LDB2: variants seen among roughly 807,000 people sequenced by gnomAD.
The protein encoded by LDB2 is LIM domain-binding protein 2.
A neutral mutation model predicts 44.3 loss-of-function variants in LDB2; 12 were observed. That is an observed-to-expected ratio of 0.27 (90% CI 0.17 to 0.44). LDB2 has a LOEUF of 0.44. Ranked by LOEUF, LDB2 falls within the 20% of genes least tolerant of loss-of-function variation. The probability of loss-of-function intolerance (pLI) is 1.00; values close to 1 mark genes in which losing one functional copy is unlikely to be tolerated. For synonymous variants in LDB2, 164 were observed against 174.8 expected (o/e 0.94, Z 0.49); for missense variants, 344 against 473.5 (o/e 0.73, Z 2.54).
chr4:16,583,405 G>T (rs1170689506), intron 5 of LDB2, among the ~76,000 whole-genome samples: 1 of 152,120 alleles, frequency 6.6e-6, no homozygotes, highest in Non-Finnish European at 1.5e-5. Flanking sequence ...CTGATACTGG[G>T]AGTGGCATTG....
chr4:16,858,339 CT>C (rs1018683008), intron 1 of LDB2, among the ~76,000 whole-genome samples: 3 of 152,180 alleles, frequency 2.0e-5, no homozygotes, highest in African/African-American at 7.2e-5. Flanking sequence ...CAAGGAATTC[CT>C]GTTTACATTA....
intron 2 of LDB2, among the ~76,000 whole-genome samples, chr4:16,742,456 C>G (rs1283672459): frequency 6.6e-6 from 1 of 152,154 alleles, no homozygotes; most frequent in Non-Finnish European, 1.5e-5. Flanking sequence ...AGAATTGAAC[C>G]CACTTTTTTC....
At chr4:16,579,210 C>CT (rs1314466396) in intron 5 of LDB2, among the ~76,000 whole-genome samples, 1 of 152,040 alleles carries the variant, frequency 6.6e-6, no homozygotes, top group Non-Finnish European at 1.5e-5. Context: ...AAGATAAATG[C>CT]TTGAGGTGAT....
At chr4:16,711,138 T>C (rs956607108) in intron 2 of LDB2, among the ~76,000 whole-genome samples, 1 of 152,226 alleles carries the variant, frequency 6.6e-6, no homozygotes, top group Non-Finnish European at 1.5e-5. Flanking sequence ...ATAACTCTGA[T>C]GTAATACAGC....
At chr4:16,879,043 T>C (rs548572129) in intron 1 of LDB2, among the ~76,000 whole-genome samples, 4 of 152,080 alleles carry the variant, frequency 2.6e-5, no homozygotes, top group East Asian at 3.9e-4. Flanking sequence ...ACAGCCCCCT[T>C]ACTTGATTGT....
intron 1 of LDB2, among the ~76,000 whole-genome samples, chr4:16,763,623 A>G (rs1330166272): frequency 6.6e-6 from 1 of 152,212 alleles, no homozygotes; most frequent in Non-Finnish European, 1.5e-5. Context: ...CTTATTATGG[A>G]AAGAGCACAT....
intron 2 of LDB2, among the ~76,000 whole-genome samples, chr4:16,692,114 G>C (rs1204286392): frequency 6.6e-6 from 1 of 150,552 alleles, no homozygotes; most frequent in Non-Finnish European, 1.5e-5. Context: ...GATTCATCAC[G>C]AGGCAAAAAA....
chr4:16,612,852 T>C (rs1056477403), intron 2 of LDB2, among the ~76,000 whole-genome samples: 3 of 152,192 alleles, frequency 2.0e-5, no homozygotes, highest in Admixed American at 6.5e-5. Context: ...ACTCATTTTA[T>C]GAAGCTGGCA....
chr4:16,754,628 T>C (rs1024130711), intron 2 of LDB2, among the ~76,000 whole-genome samples: 1 of 151,608 alleles, frequency 6.6e-6, no homozygotes, highest in African/African-American at 2.4e-5. Context: ...GCCTCCTGGG[T>C]TCAAGTAATT....
chr4:16,593,425 A>G (rs901936060), intron 3 of LDB2, among the ~76,000 whole-genome samples: 3 of 152,150 alleles, frequency 2.0e-5, no homozygotes, highest in Non-Finnish European at 2.9e-5. Flanking sequence ...GAAAAACAAC[A>G]TTGGAAAGTT....
chr4:16,522,639 G>GTA lies in LDB2; in HGVS notation c.616-10537_616-10536dup, dbSNP rs1726662436. On this transcript the variant is annotated intron_variant, in intron 5 of 7. Coordinates refer to ENST00000304523, the MANE Select transcript of LDB2 (RefSeq NM_001290.5). ...CTGAGGAACAACTCTATGTATCTCT[G>GTA]TATATATAGAGAGAAATGTAAATAT... 4.6e-5 allele frequency among the ~76,000 whole-genome samples: 7 copies of GTA among 152,090 alleles called. No homozygotes were observed. The South Asian group carries it at 1.5e-3, about 32-fold the overall frequency.
intron 2 of LDB2, among the ~76,000 whole-genome samples, chr4:16,673,336 A>T (rs1745413561): frequency 6.6e-6 from 1 of 152,208 alleles, no homozygotes. Context: ...GTGGAACTGA[A>T]TCCCTAATTG....
intron 2 of LDB2, among the ~76,000 whole-genome samples, chr4:16,709,848 T>A (rs1012046809): frequency 2.0e-5 from 3 of 152,162 alleles, no homozygotes; most frequent in Non-Finnish European, 4.4e-5. Flanking sequence ...CTCATTTAAA[T>A]GGGGCATGAA....
intron 1 of LDB2, among the ~76,000 whole-genome samples, chr4:16,762,457 T>C (rs58084845): frequency 0.033 from 4,999 of 152,288 alleles, 249 homozygotes; most frequent in African/African-American, 0.11. Context: ...AGAGGTTTAA[T>C]TGACTCACAG....
chr4:16,660,251 A>C (rs988964717), intron 2 of LDB2, among the ~76,000 whole-genome samples: 2 of 152,204 alleles, frequency 1.3e-5, no homozygotes. Flanking sequence ...AATGTCTCTC[A>C]CAATTGTAGA....
intron 1 of LDB2, among the ~76,000 whole-genome samples, chr4:16,799,378 T>C (rs991503774): frequency 2.0e-5 from 3 of 152,192 alleles, no homozygotes; most frequent in Non-Finnish European, 4.4e-5. Context: ...GAGATGGAAC[T>C]ATTTTCTAGG....
chr4:16,783,613 A>T (rs535673844), intron 1 of LDB2, among the ~76,000 whole-genome samples: 45 of 152,364 alleles, frequency 3.0e-4, no homozygotes, highest in African/African-American at 1.1e-3. Context: ...TAAGCCTTGC[A>T]GCTGTACTGT....
chr4:16,828,854 C>G (rs911916884), intron 1 of LDB2, among the ~76,000 whole-genome samples: 5 of 152,086 alleles, frequency 3.3e-5, no homozygotes, highest in Admixed American at 2.6e-4. Flanking sequence ...ATACTCCTAT[C>G]TTTATTAAAA....
intron 5 of LDB2, among the ~76,000 whole-genome samples, chr4:16,534,868 G>A (rs978982478): frequency 3.3e-5 from 5 of 152,106 alleles, no homozygotes; most frequent in African/African-American, 1.2e-4. Flanking sequence ...GTACCCTGAG[G>A]TCTCTCAGCT....
Sources: gnomAD v4.1 joint callset for allele counts (sites outside exome capture counted in the v4.1 genomes callset) on GRCh38, gnomAD v4.1.1 for gene constraint, MANE v1.5 for transcripts, NCBI Gene and HGNC (gene_info 2026-07-23, HGNC 2026-07-21) for gene names.